The following PCDH15 variants were observed in gnomAD, a reference collection of about 807,000 sequenced individuals.
PCDH15 encodes protocadherin related 15, also known as protocadherin-15.
Under a neutral mutation model 178.5 loss-of-function variants are expected in PCDH15, and 129 were observed. The ratio of observed to expected loss-of-function variants is 0.72; its 90% CI spans 0.63 to 0.84. The LOEUF is 0.84. Among genes scored for constraint, PCDH15 ranks in the 40% least tolerant of loss-of-function variants. The probability of loss-of-function intolerance (pLI) is 0.00; values close to 1 mark genes in which losing one functional copy is unlikely to be tolerated. For synonymous variants in PCDH15, 800 were observed against 732.0 expected (o/e 1.09, Z -1.50); for missense variants, 2,230 against 2,099.9 (o/e 1.06, Z -1.21).
intron 2 of PCDH15, among the ~76,000 whole-genome samples, chr10:55,003,215 A>AT (rs1230520270): frequency 6.6e-6 from 1 of 152,196 alleles, no homozygotes; most frequent in African/African-American, 2.4e-5. Flanking sequence ...AAAGCAACTT[A>AT]TAATTAGCTA....
chr10:55,507,843 T>C (rs1357292913), intron 2 of PCDH15, among the ~76,000 whole-genome samples: 1 of 151,646 alleles, frequency 6.6e-6, no homozygotes, highest in Non-Finnish European at 1.5e-5. Flanking sequence ...GCTGAGGTGT[T>C]TTTCTTAACC....
chr10:54,628,552 T>C (rs1373621490), intron 2 of PCDH15, among the ~76,000 whole-genome samples: 1 of 152,196 alleles, frequency 6.6e-6, no homozygotes, highest in African/African-American at 2.4e-5. Flanking sequence ...ACTGGTATCT[T>C]AGAAGTCATG....
At chr10:55,350,435 T>C (rs984783727) in intron 2 of PCDH15, among the ~76,000 whole-genome samples, 6 of 151,502 alleles carry the variant, frequency 4.0e-5, no homozygotes, top group Non-Finnish European at 7.4e-5. Context: ...CTTAACCTCC[T>C]CTTCTAAAAG....
chr10:55,233,460 G>A (rs1186883721), intron 1 of PCDH15, among the ~76,000 whole-genome samples: 1 of 152,080 alleles, frequency 6.6e-6, no homozygotes, highest in Non-Finnish European at 1.5e-5. Flanking sequence ...AGAAATTATA[G>A]TAAATGCATG....
chr10:55,503,217 T>C (rs1840692692), intron 2 of PCDH15, among the ~76,000 whole-genome samples: 1 of 151,132 alleles, frequency 6.6e-6, no homozygotes, highest in Admixed American at 6.6e-5. Flanking sequence ...TCAATACAAT[T>C]ACAAAGTTTT....
At chr10:54,796,283 TATC>T (rs1951992531) in intron 1 of PCDH15, among the ~76,000 whole-genome samples, 1 of 35,110 alleles carries the variant, frequency 2.8e-5, no homozygotes, top group African/African-American at 9.4e-5. Context: ...TGTATCTATG[TATC>T]TATCTATCTA....
intron 2 of PCDH15, among the ~76,000 whole-genome samples, chr10:54,530,093 C>A (rs1173106583): frequency 2.0e-5 from 3 of 151,786 alleles, no homozygotes; most frequent in Non-Finnish European, 2.9e-5. Context: ...ATTTTTGAAC[C>A]TTTTTACAGT....
At chr10:54,082,135 C>T (rs777279471) in intron 16 of PCDH15, among the ~76,000 whole-genome samples, 12 of 152,102 alleles carry the variant, frequency 7.9e-5, no homozygotes, top group Non-Finnish European at 1.6e-4. Context: ...AGCGAGCTAT[C>T]CTTATTCATA....
intron 2 of PCDH15, among the ~76,000 whole-genome samples, chr10:54,542,142 G>A (rs1054169986): frequency 1.3e-5 from 2 of 152,178 alleles, no homozygotes; most frequent in South Asian, 2.1e-4. Context: ...TACAAGGTAC[G>A]GGATGTTGAA....
intron 2 of PCDH15, among the ~76,000 whole-genome samples, chr10:55,358,558 G>T (rs1845136132): frequency 6.6e-6 from 1 of 152,064 alleles, no homozygotes; most frequent in Non-Finnish European, 1.5e-5. Flanking sequence ...ACAGAGTGTA[G>T]TTGTTGTAAT....
chr10:54,507,729 G>T (rs2081289972), intron 3 of PCDH15, among the ~76,000 whole-genome samples: 1 of 151,938 alleles, frequency 6.6e-6, no homozygotes, highest in South Asian at 2.1e-4. Context: ...TATAAGTCAA[G>T]ATCTGAAACA....
At chr10:54,925,933 GTTTA>G (rs1837611154) in intron 2 of PCDH15, among the ~76,000 whole-genome samples, 1 of 151,942 alleles carries the variant, frequency 6.6e-6, no homozygotes, top group Admixed American at 6.6e-5. Context: ...ATTTGGATGT[GTTTA>G]TTTGTTTGTT....
chr10:54,460,845 G>A (rs1302135669), intron 3 of PCDH15, among the ~76,000 whole-genome samples: 1 of 152,094 alleles, frequency 6.6e-6, no homozygotes, highest in African/African-American at 2.4e-5. Context: ...GAACTCCAAC[G>A]TGGGAGAGTG....
chr10:55,535,593 A>T (rs915574777), intron 2 of PCDH15, among the ~76,000 whole-genome samples: 2 of 152,072 alleles, frequency 1.3e-5, no homozygotes, highest in Non-Finnish European at 2.9e-5. Context: ...TTTCTTCTGG[A>T]AAGAAATATA....
intron 14 of PCDH15, among the ~76,000 whole-genome samples, chr10:54,152,845 TGAA>T (rs1270516791): frequency 1.3e-5 from 2 of 152,132 alleles, no homozygotes; most frequent in African/African-American, 2.4e-5. Context: ...TTAATTTCTT[TGAA>T]GAAAAGAGCC....
At chr10:54,297,668 G>C (rs1353773146) in intron 8 of PCDH15, among the ~76,000 whole-genome samples, 1 of 152,108 alleles carries the variant, frequency 6.6e-6, no homozygotes, top group East Asian at 1.9e-4. Context: ...TATTGGTTCT[G>C]TCCCCTTTAA....
At position 54,867,197 on chromosome 10, in the gene PCDH15, C is replaced by T. The variant is rs144270549; in HGVS notation, c.-29+30253G>A. Among the ~76,000 whole-genome samples, 472 of 152,232 alleles carry T rather than the reference C, an allele frequency of 3.1e-3. 3 individuals are homozygous for T. Among genetic ancestry groups the T allele is most frequent in the Admixed American group, 8.4e-3 (128 of 15,270 alleles). On this transcript the variant is annotated intron_variant, in intron 3 of 5. Transcript: ENST00000458638. Reference sequence around the variant, plus strand: ...AGTGTGGTTTGGGAATGAGAATAAACAGTGTGCTTTCAGAGCTTCCGTGGT... The same window carrying T: ...AGTGTGGTTTGGGAATGAGAATAAATAGTGTGCTTTCAGAGCTTCCGTGGT...
At chr10:54,519,316 T>A (rs908053461) in intron 3 of PCDH15, among the ~76,000 whole-genome samples, 1 of 152,094 alleles carries the variant, frequency 6.6e-6, no homozygotes, top group Non-Finnish European at 1.5e-5. Flanking sequence ...GAAAACCCCA[T>A]TGTCTCAGCC....
intron 1 of PCDH15, among the ~76,000 whole-genome samples, chr10:55,274,853 A>ACC (rs1457751926): frequency 6.6e-6 from 1 of 152,038 alleles, no homozygotes; most frequent in Admixed American, 6.5e-5. Context: ...GCAGTTCAAA[A>ACC]TAGGGTCCCC....
Sources: gnomAD v4.1 joint callset for allele counts (sites outside exome capture counted in the v4.1 genomes callset) on GRCh38, gnomAD v4.1.1 for gene constraint, MANE v1.5 for transcripts, NCBI Gene and HGNC (gene_info 2026-07-23, HGNC 2026-07-21) for gene names.